Variants in CSMD1 observed in about 807,000 individuals in gnomAD.
The protein encoded by CSMD1 is CUB and Sushi multiple domains 1, also known as CUB and sushi domain-containing protein 1.
Under a neutral mutation model 417.5 loss-of-function variants are expected in CSMD1, and 213 were observed. The observed-to-expected ratio is 0.51, with a 90% CI of 0.46 to 0.57. The LOEUF is 0.57. CSMD1 is among the 20% of genes least tolerant of loss of function. CSMD1 has a pLI of 0.00. For missense variants in CSMD1, 6,923 were observed against 4,529.7 expected (o/e 1.53, Z -15.17); for synonymous variants, 2,862 against 1,736.8 (o/e 1.65, Z -16.11).
intron 7 of CSMD1, among the ~76,000 whole-genome samples, chr8:3,687,034 A>C (rs1011368790): frequency 2.0e-5 from 3 of 152,180 alleles, no homozygotes; most frequent in Non-Finnish European, 4.4e-5. Context: ...GGTGGATGGC[A>C]GATGTAAAAA....
Position 3,975,295 on chromosome 8 carries a change from T to G in CSMD1, c.818+22608A>C, listed in dbSNP as rs191668431. ...GGTTGTTGCTATTTTATTTTATACCTTTTTTACACAAAATGCCCTTAGAAC... is the reference window on the plus strand; with the variant it reads ...GGTTGTTGCTATTTTATTTTATACCGTTTTTACACAAAATGCCCTTAGAAC... On this transcript the variant is annotated intron_variant, in intron 5 of 69. Coordinates refer to ENST00000635120, the MANE Select transcript of CSMD1 (RefSeq NM_033225.6). Among the ~76,000 whole-genome samples, 278 of 152,296 alleles carry G rather than the reference T, an allele frequency of 1.8e-3. 3 individuals are homozygous for G. In the Middle Eastern group the frequency reaches 0.044, roughly 24 times the overall value.
At chr8:4,103,352 T>G (rs1801403254) in intron 3 of CSMD1, among the ~76,000 whole-genome samples, 2 of 151,592 alleles carry the variant, frequency 1.3e-5, no homozygotes, top group Admixed American at 6.6e-5. Flanking sequence ...AAAGTTGGTT[T>G]TGAATTCCAG....
intron 1 of CSMD1, among the ~76,000 whole-genome samples, chr8:4,967,849 A>C (rs966232164): frequency 2.0e-5 from 3 of 152,192 alleles, no homozygotes; most frequent in Non-Finnish European, 4.4e-5. Flanking sequence ...TTGAGATGAC[A>C]ACTTTACAAG....
At chr8:3,909,928 G>C (rs1265196981) in intron 5 of CSMD1, among the ~76,000 whole-genome samples, 1 of 152,202 alleles carries the variant, frequency 6.6e-6, no homozygotes, top group East Asian at 1.9e-4. Flanking sequence ...ACTCTAATTA[G>C]ACAAGGAAGA....
chr8:4,558,545 C>A (rs1443836271), intron 2 of CSMD1, among the ~76,000 whole-genome samples: 2 of 152,068 alleles, frequency 1.3e-5, no homozygotes, highest in Non-Finnish European at 2.9e-5. Flanking sequence ...AAAGCAAGTA[C>A]CTTGCTCAAA....
chr8:4,282,503 C>T (rs1189402188), intron 3 of CSMD1, among the ~76,000 whole-genome samples: 1 of 152,152 alleles, frequency 6.6e-6, no homozygotes, highest in Non-Finnish European at 1.5e-5. Context: ...TCGTTATCTC[C>T]CTCTAAGCTT....
chr8:4,613,936 T>C (rs1317358521), intron 2 of CSMD1, among the ~76,000 whole-genome samples: 3 of 151,800 alleles, frequency 2.0e-5, no homozygotes, highest in African/African-American at 7.3e-5. Flanking sequence ...ATAGAGAAGT[T>C]TTCTTTTGTA....
At chr8:4,624,592 G>A (rs1257713596) in intron 2 of CSMD1, among the ~76,000 whole-genome samples, 1 of 152,170 alleles carries the variant, frequency 6.6e-6, no homozygotes, top group African/African-American at 2.4e-5. Flanking sequence ...ATGAACAATG[G>A]AAGATCCACG....
At chr8:3,196,420 A>T (rs2129052821) in intron 33 of CSMD1, among the ~76,000 whole-genome samples, 1 of 152,230 alleles carries the variant, frequency 6.6e-6, no homozygotes, top group South Asian at 2.1e-4. Context: ...AACTTTCCTA[A>T]TAAACTTGTT....
chr8:3,671,969 C>T (rs1018860742), intron 7 of CSMD1, among the ~76,000 whole-genome samples: 4 of 151,956 alleles, frequency 2.6e-5, no homozygotes, highest in Non-Finnish European at 5.9e-5. Flanking sequence ...TTTTTAGTTT[C>T]GATATGTTGC....
intron 1 of CSMD1, chr8:4,788,355 A>C: frequency 6.7e-7 from 1 of 1,497,874 alleles, no homozygotes; most frequent in South Asian, 1.2e-5. Flanking sequence ...TCCAGTTATC[A>C]CCTGTCCTCC....
At chr8:4,313,989 G>A (rs1033637456) in intron 3 of CSMD1, among the ~76,000 whole-genome samples, 1 of 151,328 alleles carries the variant, frequency 6.6e-6, no homozygotes, top group Non-Finnish European at 1.5e-5. Context: ...ACTCCAGCCT[G>A]GGCAACAAAG....
At chr8:3,917,675 A>T (rs927172057) in intron 5 of CSMD1, among the ~76,000 whole-genome samples, 6 of 152,132 alleles carry the variant, frequency 3.9e-5, no homozygotes, top group African/African-American at 1.4e-4. Flanking sequence ...AGTTGTACAC[A>T]TGTAATGCCA....
intron 8 of CSMD1, among the ~76,000 whole-genome samples, chr8:3,611,260 AAG>A (rs780532002): frequency 1.8e-4 from 27 of 152,204 alleles, no homozygotes; most frequent in Non-Finnish European, 3.5e-4. Flanking sequence ...TAAAAAAAAA[AAG>A]AAAGTCCTTG....
chr8:4,564,526 G>A (rs774318369), intron 2 of CSMD1, among the ~76,000 whole-genome samples: 5 of 152,134 alleles, frequency 3.3e-5, no homozygotes, highest in Non-Finnish European at 7.3e-5. Context: ...ATTGTGACTC[G>A]ATGTTCGAAA....
chr8:4,356,850 T>C (rs766663908), intron 3 of CSMD1, among the ~76,000 whole-genome samples: 5 of 152,198 alleles, frequency 3.3e-5, no homozygotes, highest in African/African-American at 4.8e-5. Flanking sequence ...CAGCTATCTC[T>C]GCCCTTTCCT....
In CSMD1 at chr8:3,876,410, C is replaced by T. The variant is rs73661014; in HGVS notation, c.818+121493G>A. On this transcript the variant is annotated intron_variant, in intron 5 of 69. Transcript: ENST00000635120. ...AACTTTCCTGTATTTCTAAAGAATT[C>T]TGCACTTAGAAGCCTGGAGACACCA... is the stretch of plus-strand genomic sequence containing the variant. 1.3e-3 allele frequency among the ~76,000 whole-genome samples: 191 copies of T among 152,260 alleles called. 1 individual carries two copies. The highest frequency in any genetic ancestry group is 4.3e-3 in the African/African-American group (178 of 41,548).
chr8:4,812,388 A>G (rs1272680372), intron 1 of CSMD1, among the ~76,000 whole-genome samples: 1 of 152,194 alleles, frequency 6.6e-6, no homozygotes, highest in Non-Finnish European at 1.5e-5. Context: ...TATAAATTCT[A>G]CTGCTCTATA....
chr8:4,569,945 T>C (rs1268245608), intron 2 of CSMD1, among the ~76,000 whole-genome samples: 1 of 152,168 alleles, frequency 6.6e-6, no homozygotes, highest in East Asian at 1.9e-4. Flanking sequence ...TCTCTGTCTA[T>C]TGTTGGTGTA....
Sources: allele counts gnomAD v4.1 joint callset (sites outside exome capture counted in the v4.1 genomes callset), GRCh38; gene constraint gnomAD v4.1.1; transcripts MANE v1.5; gene names NCBI Gene and HGNC (gene_info 2026-07-23, HGNC 2026-07-21).